Variants in BRD7 observed in about 807,000 individuals in gnomAD.
BRD7 encodes the protein bromodomain-containing protein 7.
In BRD7, 15 loss-of-function variants were observed where a neutral mutation model predicts 82.1. The observed-to-expected ratio is 0.18, with a 90% confidence interval of 0.12 to 0.28. The LOEUF is 0.28. BRD7 is among the 10% of genes least tolerant of loss of function. BRD7 has a pLI of 1.00. For synonymous variants in BRD7, 232 were observed against 266.9 expected (o/e 0.87, Z 1.27); for missense variants, 638 against 779.9 (o/e 0.82, Z 2.17).
Position 50,340,046 on chromosome 16 carries a change from T to C in BRD7, c.632A>G (p.Asn211Ser), listed in dbSNP as rs1409738229. The C allele has an allele frequency of 1.9e-6, 3 of 1,590,572 alleles. No homozygotes were observed. The highest frequency in any genetic ancestry group is 1.7e-6 in the Non-Finnish European group (2 of 1,169,232). Residue 211 changes from asparagine to serine, a missense_variant, in exon 6 of 17, where the codon AAT becomes AGT. Asn to Ser is a conservative substitution (Grantham distance 46). This residue lies in a region of BRD7 where 64 missense variants were observed against 123.8 expected (regional missense o/e 0.52). Coordinates refer to ENST00000394688, the MANE Select transcript of BRD7 (RefSeq NM_013263.5). ...TTTATAATAAATGGTCTCTGGTTTA[T>C]TGTAAATCATGGCATTAGTACACAT... ...KLMCTNAMIYNKPETIYYKAA... is the reference protein window; with the variant it reads ...KLMCTNAMIYSKPETIYYKAA...
At chr16:50,322,566 A>G (rs945855232) in intron 12 of BRD7, among the ~76,000 whole-genome samples, 1 of 152,224 alleles carries the variant, frequency 6.6e-6, no homozygotes, top group South Asian at 2.1e-4. Context: ...GTTGTGAGTT[A>G]TTTAACCAAT....
In BRD7 at chr16:50,323,595, T is replaced by C; in HGVS notation, c.1435A>G (p.Met479Val). The C allele has an allele frequency of 6.2e-7, 1 of 1,606,194 alleles. No individual in the cohort carries two copies. The highest frequency in any genetic ancestry group is 8.5e-7 in the Non-Finnish European group (1 of 1,172,926). ...ATTAGCAGTGTTCTTACCATCTCCA[T>C]CTCTTGTAGGGTCCTGGAATGCCCT... ...KGGHSRTLQE[M>V]EMSLPEDEGH... The change falls in exon 12 of 17, where the codon ATG becomes GTG. Residue 479 changes from methionine to valine, a missense_variant. Coordinates refer to ENST00000394688, the MANE Select transcript of BRD7 (RefSeq NM_013263.5).
chr16:50,318,132 C>CAAAT lies in BRD7; in HGVS notation c.*1075_*1078dup, dbSNP rs1340079548. 1 of 152,234 alleles carries CAAAT rather than the reference C, an allele frequency of 6.6e-6. No individual in the cohort carries two copies. Among genetic ancestry groups the CAAAT allele is most frequent in the African/African-American group, 2.4e-5 (1 of 41,442 alleles). 9.4% of individuals were successfully genotyped at this position (152,234 alleles called of 1,614,324 possible). A position where few individuals can be genotyped will look rare whatever the true frequency, so the allele number is the denominator to read the frequency against. On this transcript the variant is annotated 3_prime_UTR_variant, in exon 17 of 17. Transcript: ENST00000394688. ...CATTAAATTAGCAATTTGAAAAACT[C>CAAAT]AAATATCTGAAGGTATTTTATTTTC... is the stretch of plus-strand genomic sequence containing the variant.
At chr16:50,347,848 T>C (rs1230573300) in intron 5 of BRD7, among the ~76,000 whole-genome samples, 1 of 152,050 alleles carries the variant, frequency 6.6e-6, no homozygotes, top group African/African-American at 2.4e-5. Context: ...AGGTAATTTA[T>C]AGATTCAATG....
chr16:50,368,799 C>T lies in BRD7; in HGVS notation c.-25G>A. On this transcript the variant is annotated 5_prime_UTR_variant, in exon 1 of 17. Coordinates refer to ENST00000394688, the MANE Select transcript of BRD7 (RefSeq NM_013263.5). ...TGTCCGACCGGGCCCCGGTGCCCGC[C>T]CCCCGCGCCAGGCCCAGGCCGTGCG... The T allele has an allele frequency of 6.6e-7, 1 of 1,517,050 alleles. No homozygotes were observed. The highest frequency in any genetic ancestry group is 8.8e-7 in the Non-Finnish European group (1 of 1,131,090). The allele number at this position is 1,517,050 out of a possible 1,614,324, so 94.0% of individuals were successfully genotyped here. A position where few individuals can be genotyped will look rare whatever the true frequency, so the allele number is the denominator to read the frequency against.
chr16:50,341,938 A>T (rs937974977), intron 5 of BRD7, among the ~76,000 whole-genome samples: 13 of 148,958 alleles, frequency 8.7e-5, no homozygotes, highest in East Asian at 2.0e-4. Flanking sequence ...TCACACACAC[A>T]CACACACACA....
At chr16:50,347,448 T>A (rs1156583420) in intron 5 of BRD7, among the ~76,000 whole-genome samples, 2 of 152,082 alleles carry the variant, frequency 1.3e-5, no homozygotes, top group Non-Finnish European at 2.9e-5. Context: ...GGTATTCAAT[T>A]AGGAAAAGAG....
intron 8 of BRD7, among the ~76,000 whole-genome samples, chr16:50,330,583 G>A (rs2037523441): frequency 2.6e-5 from 4 of 152,106 alleles, no homozygotes. Flanking sequence ...GGCAAATGAA[G>A]AATCTTATAA....
chr16:50,352,439 T>C (rs2038566145), intron 4 of BRD7, among the ~76,000 whole-genome samples: 1 of 152,230 alleles, frequency 6.6e-6, no homozygotes, highest in Non-Finnish European at 1.5e-5. Flanking sequence ...AAAAAATGCA[T>C]TCATCCATTG....
rs772936465 is a variant in BRD7, at chr16:50,320,295, G to A, written c.1709C>T (p.Pro570Leu). The change falls in exon 15 of 17, where the codon CCG becomes CTG. Residue 570 changes from proline to leucine, a missense_variant. Coordinates refer to ENST00000394688, the MANE Select transcript of BRD7 (RefSeq NM_013263.5). ...QNERLSTRPP[P>L]NMICLLGPSY... ...GGGACCCAAGAGACAGATCATGTTC[G>A]GAGGGGGTCTGGTGCTCAAACGTTC... The A allele has an allele frequency of 5.6e-5, 91 of 1,614,028 alleles. No individual in the cohort carries two copies. The highest frequency in any genetic ancestry group is 1.8e-4 in the South Asian group (16 of 91,086).
intron 6 of BRD7, among the ~76,000 whole-genome samples, chr16:50,336,459 A>G (rs907920202): frequency 6.6e-6 from 1 of 152,178 alleles, no homozygotes; most frequent in African/African-American, 2.4e-5. Context: ...TCACTTAAAA[A>G]GCTAACCCAT....
rs142365568 is a variant in BRD7, at chr16:50,321,904, C to A, written c.1500+78G>T. The A allele has an allele frequency of 1.0e-3, 1,329 of 1,321,618 alleles. 12 individuals carry two copies. The African/African-American group carries it at 0.018, about 18-fold the overall frequency. 81.9% of individuals were successfully genotyped at this position (1,321,618 alleles called of 1,614,324 possible). On this transcript the variant is annotated intron_variant, in intron 13 of 16. Transcript: ENST00000394688. ...ACCTTTTTCCTTCTTACCCAATGGG[C>A]CTTCCCATTCTCAAGACTTCTCTTA... is the stretch of plus-strand genomic sequence containing the variant.
chr16:50,330,007 C>T (rs978625996), intron 8 of BRD7, among the ~76,000 whole-genome samples: 1 of 152,202 alleles, frequency 6.6e-6, no homozygotes, highest in Non-Finnish European at 1.5e-5. Flanking sequence ...AAAGGAATTT[C>T]TGGCAGCTTG....
At chr16:50,367,951 C>G (rs2039209868) in intron 2 of BRD7, 139 bp downstream of exon 2, 1 of 850,952 alleles carries the variant, frequency 1.2e-6, no homozygotes, top group South Asian at 1.6e-5. Context: ...ATTCATGTCT[C>G]TATTCTGTCC....
At chr16:50,324,474 G>A (rs1408374582) in intron 11 of BRD7, among the ~76,000 whole-genome samples, 2 of 152,110 alleles carry the variant, frequency 1.3e-5, no homozygotes, top group East Asian at 3.9e-4. Flanking sequence ...GAAATTCCAA[G>A]TGCTTATAAA....
chr16:50,365,580 A>T (rs1485651938), intron 2 of BRD7, among the ~76,000 whole-genome samples: 1 of 152,242 alleles, frequency 6.6e-6, no homozygotes, highest in Admixed American at 6.5e-5. Flanking sequence ...AAAAACAGGA[A>T]AAAACTTCGA....
At position 50,332,968 on chromosome 16, in the gene BRD7, C is replaced by T. The variant is rs557371092; in HGVS notation, c.1011+606G>A. 2.6e-5 allele frequency among the ~76,000 whole-genome samples: 4 copies of T among 152,032 alleles called. No individual in the cohort carries two copies. The East Asian group carries it at 5.8e-4, about 22-fold the overall frequency. On this transcript the variant is annotated intron_variant, in intron 8 of 16. Transcript: ENST00000394688. Reference sequence around the variant, plus strand: ...GACACAAAGATGGGAAGAACAGACACTGGAAATGCTAAAAGGGGGCAGGGA... The same window carrying T: ...GACACAAAGATGGGAAGAACAGACATTGGAAATGCTAAAAGGGGGCAGGGA...
chr16:50,328,150 G>A (rs751015330), intron 9 of BRD7, among the ~76,000 whole-genome samples: 7 of 152,084 alleles, frequency 4.6e-5, no homozygotes, highest in Non-Finnish European at 8.8e-5. Context: ...AACATCATTT[G>A]AGAAAACAAA....
At chr16:50,359,995 T>C (rs112901342) in intron 2 of BRD7, among the ~76,000 whole-genome samples, 1,697 of 152,326 alleles carry the variant, frequency 0.011, 33 homozygotes, top group African/African-American at 0.038. Flanking sequence ...CTGACTAGAT[T>C]CTAATTTGCC....
Sources: gnomAD v4.1 joint callset for allele counts (sites outside exome capture counted in the v4.1 genomes callset) on GRCh38, gnomAD v4.1.1 for gene constraint, gnomAD v4.1.1 regional missense constraint, MANE v1.5 for transcripts, NCBI Gene and HGNC (gene_info 2026-07-23, HGNC 2026-07-21) for gene names.